Variants in YWHAQ observed in about 807,000 individuals in gnomAD.
The protein encoded by YWHAQ is tyrosine 3-monooxygenase/tryptophan 5-monooxygenase activation protein theta, also known as 14-3-3 protein theta.
YWHAQ carries 6 observed loss-of-function variants against 28.3 expected under a neutral mutation model. The observed-to-expected ratio is 0.21, with a 90% CI of 0.12 to 0.42. The LOEUF is 0.42. YWHAQ is among the 10% of genes least tolerant of loss of function. The pLI is 1.00. For synonymous variants in YWHAQ, 143 were observed against 119.1 expected, an observed-to-expected ratio of 1.20 and a Z score of -1.31; for missense variants, 201 against 305.6, an observed-to-expected ratio of 0.66 and a Z score of 2.55.
intron 5 of YWHAQ, among the ~76,000 whole-genome samples, chr2:9,586,577 T>C (rs1042996394): frequency 1.2e-4 from 18 of 152,180 alleles, no homozygotes; most frequent in African/African-American, 4.3e-4. Context: ...CTGATCATCT[T>C]CCATTGTCCC....
chr2:9,593,476 TG>T (rs1666499383), intron 2 of YWHAQ, among the ~76,000 whole-genome samples: 1 of 151,924 alleles, frequency 6.6e-6, no homozygotes, highest in Non-Finnish European at 1.5e-5. Flanking sequence ...CCCAAAGTAC[TG>T]GGATTACAGG....
In YWHAQ at chr2:9,596,378, TTAA is replaced by T. The variant is rs1161269680; in HGVS notation, c.295-4866_295-4864del. ...GCAAAATTCTGTAACACTCAACAAATTAATCTTTTAATTCTAAATTCATTTATA... is the reference window on the plus strand; with the variant it reads ...GCAAAATTCTGTAACACTCAACAAATTCTTTTAATTCTAAATTCATTTATA... On this transcript the variant is annotated intron_variant, in intron 2 of 5. Coordinates refer to ENST00000238081, the MANE Select transcript of YWHAQ (RefSeq NM_006826.4). Among the ~76,000 whole-genome samples the T allele has an allele frequency of 7.2e-5, 11 of 152,320 alleles. No homozygotes were observed. In the East Asian group the frequency reaches 1.7e-3, roughly 24 times the overall value.
chr2:9,623,589 C>A (rs1055726476), intron 2 of YWHAQ, among the ~76,000 whole-genome samples: 2 of 152,098 alleles, frequency 1.3e-5, no homozygotes, highest in Non-Finnish European at 2.9e-5. Flanking sequence ...ACCTGACCAA[C>A]ACGGAGAAAC....
At chr2:9,614,586 G>A (rs1001102879) in intron 2 of YWHAQ, among the ~76,000 whole-genome samples, 2 of 152,222 alleles carry the variant, frequency 1.3e-5, no homozygotes, top group African/African-American at 4.8e-5. Flanking sequence ...ACAAAAATAG[G>A]TCAAAATTGC....
chr2:9,601,631 A>G (rs1666695073), intron 2 of YWHAQ, among the ~76,000 whole-genome samples: 1 of 152,118 alleles, frequency 6.6e-6, no homozygotes. Context: ...ATCCATAACT[A>G]AGAGCAGTTC....
intron 2 of YWHAQ, among the ~76,000 whole-genome samples, chr2:9,612,788 G>A (rs1235823929): frequency 6.6e-6 from 1 of 152,206 alleles, no homozygotes; most frequent in African/African-American, 2.4e-5. Flanking sequence ...GAGCCCATGA[G>A]TACAGTCTTT....
In YWHAQ at chr2:9,630,577, A is replaced by G. The variant is rs1012249750; in HGVS notation, c.-82-43T>C. ...GGCGAGGCGAGAACAAAAAGCAGAG[A>G]GGGAGCGCCGTCAGACAATGCGGCC... On this transcript the variant is annotated intron_variant, in intron 1 of 5. Transcript: ENST00000238081. This position sits in a 1 kb window ranked among gnomAD's most constrained non-coding sequence, Gnocchi z 5.6. 4.1e-6 allele frequency: 4 copies of G among 978,298 alleles called. No individual in the cohort carries two copies. The highest frequency in any genetic ancestry group is 3.4e-5 in the African/African-American group (2 of 59,686). The allele number at this position is 978,298 out of a possible 1,614,324, so 60.6% of individuals were successfully genotyped here.
At position 9,630,567 on chromosome 2, in the gene YWHAQ, A is replaced by G. The variant is rs1667351462; in HGVS notation, c.-82-33T>C. 2 of 1,077,560 alleles carry G rather than the reference A, an allele frequency of 1.9e-6. No individual in the cohort carries two copies. Among genetic ancestry groups the G allele is most frequent in the Admixed American group, 3.0e-5 (1 of 33,104 alleles). 66.7% of individuals were successfully genotyped at this position (1,077,560 alleles called of 1,614,324 possible). A position where few individuals can be genotyped will look rare whatever the true frequency, so the allele number is the denominator to read the frequency against. On this transcript the variant is annotated intron_variant, in intron 1 of 5. Coordinates refer to ENST00000238081, the MANE Select transcript of YWHAQ (RefSeq NM_006826.4). The surrounding 1 kb of genome is among the most constrained non-coding windows in gnomAD (Gnocchi z 5.6). Reference sequence around the variant, plus strand: ...GGGGCGGGGCGGCGAGGCGAGAACAAAAAGCAGAGAGGGAGCGCCGTCAGA... The same window carrying G: ...GGGGCGGGGCGGCGAGGCGAGAACAGAAAGCAGAGAGGGAGCGCCGTCAGA...
At chr2:9,607,962 C>T (rs1666868615) in intron 2 of YWHAQ, among the ~76,000 whole-genome samples, 1 of 152,064 alleles carries the variant, frequency 6.6e-6, no homozygotes, top group Non-Finnish European at 1.5e-5. Flanking sequence ...CCCACCTCAG[C>T]CTCCCAAAGT....
chr2:9,612,499 C>T lies in YWHAQ; in HGVS notation c.294+17660G>A, dbSNP rs539380391. On this transcript the variant is annotated intron_variant, in intron 2 of 5. Transcript: ENST00000238081. ...GGTGAGAAATCCATTTTCCTCTGTA[C>T]TATACAAAGATTGTTATTCTGTGTG... Among the ~76,000 whole-genome samples the T allele has an allele frequency of 2.0e-5, 3 of 152,304 alleles. No individual in the cohort carries two copies. The East Asian group carries it at 5.8e-4, about 29-fold the overall frequency.
intron 3 of YWHAQ, among the ~76,000 whole-genome samples, chr2:9,590,115 A>G (rs1252999061): frequency 2.0e-5 from 3 of 152,232 alleles, no homozygotes; most frequent in Non-Finnish European, 2.9e-5. Context: ...ATCGCAGCCT[A>G]TCAGAATGTA....
rs1316148404 is a variant in YWHAQ at position 9,630,599 on chromosome 2, G to A, written c.-82-65C>T. 1.1e-5 allele frequency: 8 copies of A among 733,734 alleles called. No homozygotes were observed. Among genetic ancestry groups the A allele is most frequent in the Admixed American group, 3.5e-5 (1 of 28,466 alleles). 45.5% of individuals were successfully genotyped at this position (733,734 alleles called of 1,614,324 possible). Reference sequence around the variant, plus strand: ...GAGAGGGAGCGCCGTCAGACAATGCGGCCCGCCGCCCGCTTTTGTCTCCCG... The same window carrying A: ...GAGAGGGAGCGCCGTCAGACAATGCAGCCCGCCGCCCGCTTTTGTCTCCCG... On this transcript the variant is annotated intron_variant, in intron 1 of 5. Coordinates refer to ENST00000238081, the MANE Select transcript of YWHAQ (RefSeq NM_006826.4). The surrounding 1 kb of genome is among the most constrained non-coding windows in gnomAD (Gnocchi z 5.6).
At chr2:9,604,247 T>C (rs952827299) in intron 2 of YWHAQ, among the ~76,000 whole-genome samples, 27 of 151,992 alleles carry the variant, frequency 1.8e-4, no homozygotes, top group African/African-American at 6.0e-4. Flanking sequence ...AGACAGAAAA[T>C]ACGGGGGGAA....
chr2:9,629,577 C>T (rs1487553513), intron 2 of YWHAQ, among the ~76,000 whole-genome samples: 1 of 151,928 alleles, frequency 6.6e-6, no homozygotes, highest in East Asian at 1.9e-4. Flanking sequence ...TTTACCAGGA[C>T]ATTGTGTTCT....
intron 2 of YWHAQ, among the ~76,000 whole-genome samples, chr2:9,608,771 A>G (rs1192315984): frequency 6.6e-6 from 1 of 152,212 alleles, no homozygotes; most frequent in African/African-American, 2.4e-5. Flanking sequence ...CAACATGGCG[A>G]AACCCCGTCC....
rs575398045 is a variant in YWHAQ at position 9,622,754 on chromosome 2, ATT to A, written c.294+7403_294+7404del. On this transcript the variant is annotated intron_variant, in intron 2 of 5. Coordinates refer to ENST00000238081, the MANE Select transcript of YWHAQ (RefSeq NM_006826.4). Reference sequence around the variant, plus strand: ...CTCTGAAGTCCTAGGTATTATCATCATTTTGTCTTTAAATACTCAATATGCAA... The same window carrying A: ...CTCTGAAGTCCTAGGTATTATCATCATTGTCTTTAAATACTCAATATGCAA... 4.1e-3 allele frequency among the ~76,000 whole-genome samples: 620 copies of A among 152,288 alleles called. 5 individuals carry two copies. Among genetic ancestry groups the A allele is most frequent in the Non-Finnish European group, 6.6e-3 (448 of 68,020 alleles).
chr2:9,599,371 A>G (rs1666642146), intron 2 of YWHAQ, among the ~76,000 whole-genome samples: 1 of 152,206 alleles, frequency 6.6e-6, no homozygotes, highest in Non-Finnish European at 1.5e-5. Flanking sequence ...GGCTACACAA[A>G]ATACCATATT....
intron 5 of YWHAQ, among the ~76,000 whole-genome samples, chr2:9,586,617 G>T (rs542250007): frequency 6.6e-6 from 1 of 152,200 alleles, no homozygotes; most frequent in African/African-American, 2.4e-5. Flanking sequence ...CTCATGGCTA[G>T]AAATGCAGGG....
In YWHAQ at chr2:9,591,477, A is replaced by G. The variant is rs946892734; in HGVS notation, c.333T>C (p.Asn111=). The G allele has an allele frequency of 7.4e-6, 12 of 1,610,914 alleles. No individual in the cohort carries two copies. The highest frequency in any genetic ancestry group is 1.0e-5 in the Non-Finnish European group (12 of 1,177,672). Residue 111 remains asparagine (N), a synonymous_variant, in exon 3 of 6, where the codon AAT becomes AAC. Transcript: ENST00000238081. ...TCAGATAGAAGACCTTACTCTCTGG[A>G]TTAGTTGCATTGGCTATTAAATATT... ...LDKYLIANAT[N]PESKVFYLKM... is the part of the protein sequence containing the mutation.
Sources: gnomAD v4.1 joint callset for allele counts (sites outside exome capture counted in the v4.1 genomes callset) on GRCh38, gnomAD v4.1.1 for gene constraint, Gnocchi (gnomAD v3.1) non-coding constraint, MANE v1.5 for transcripts, NCBI Gene and HGNC (gene_info 2026-07-23, HGNC 2026-07-21) for gene names.